Variants in SHISA9 observed in about 807,000 individuals in gnomAD.
The protein encoded by SHISA9 is protein shisa-9.
SHISA9 carries 13 observed loss-of-function variants against 38.0 expected under a neutral mutation model. The observed-to-expected ratio is 0.34, with a 90% CI of 0.22 to 0.54. The LOEUF is 0.54. Ranked by LOEUF, SHISA9 falls within the 20% of genes least tolerant of loss-of-function variation. SHISA9 has a pLI of 0.91. For missense variants in SHISA9, 538 were observed against 575.8 expected (o/e 0.93, Z 0.67); for synonymous variants, 275 against 242.0 (o/e 1.14, Z -1.27).
At chr16:13,104,539 A>T (rs998531099) in intron 2 of SHISA9, among the ~76,000 whole-genome samples, 1 of 152,238 alleles carries the variant, frequency 6.6e-6, no homozygotes, top group Non-Finnish European at 1.5e-5. Flanking sequence ...TGAAATACTG[A>T]TATCTGCTAC....
intron 2 of SHISA9, among the ~76,000 whole-genome samples, chr16:13,075,577 C>G (rs2073571583): frequency 6.6e-6 from 1 of 152,186 alleles, no homozygotes; most frequent in Non-Finnish European, 1.5e-5. Context: ...AAAACTCAAC[C>G]TAAGGCTTTC....
the SHISA9 span, among the ~76,000 whole-genome samples, chr16:13,419,489 A>G: frequency 0.72 from 109,208 of 152,134 alleles, 39,380 homozygotes; most frequent in East Asian, 0.81. Flanking sequence ...TTTCCTAAGC[A>G]TTTTTAGTTT....
the SHISA9 span, among the ~76,000 whole-genome samples, chr16:13,326,013 C>G: frequency 4.0e-4 from 60 of 149,554 alleles, no homozygotes; most frequent in African/African-American, 1.3e-3. Context: ...AACATGTATA[C>G]CTATGTAACA....
chr16:13,522,126 C>T, the SHISA9 span, among the ~76,000 whole-genome samples: 10 of 152,320 alleles, frequency 6.6e-5, no homozygotes, highest in South Asian at 1.9e-3. Context: ...AACTGCTTTC[C>T]TGTAATCCCA....
chr16:12,935,830 C>CAGAACA (rs1235131078), intron 2 of SHISA9, among the ~76,000 whole-genome samples: 1 of 127,344 alleles, frequency 7.9e-6, no homozygotes, highest in Non-Finnish European at 1.6e-5. Flanking sequence ...GCCTGGGAAA[C>CAGAACA]AGAACAAGAG....
chr16:13,561,053 G>A, the SHISA9 span, among the ~76,000 whole-genome samples: 1 of 152,066 alleles, frequency 6.6e-6, no homozygotes, highest in Non-Finnish European at 1.5e-5. Flanking sequence ...TGGTAGAGAT[G>A]GGTTTTCACC....
At chr16:13,437,958 T>C in the SHISA9 span, among the ~76,000 whole-genome samples, 1 of 151,036 alleles carries the variant, frequency 6.6e-6, no homozygotes, top group Non-Finnish European at 1.5e-5. Context: ...CTCTGCTTCC[T>C]GGGTTAAAGC....
At chr16:12,936,552 A>G (rs2071535987) in intron 2 of SHISA9, among the ~76,000 whole-genome samples, 1 of 152,258 alleles carries the variant, frequency 6.6e-6, no homozygotes, top group Non-Finnish European at 1.5e-5. Flanking sequence ...GCATATGCTC[A>G]AAGTGAGATG....
chr16:13,529,931 C>A, the SHISA9 span, among the ~76,000 whole-genome samples: 1 of 152,232 alleles, frequency 6.6e-6, no homozygotes. Flanking sequence ...TGTGACATAA[C>A]TGCAGCCAAT....
At chr16:13,468,760 T>G in the SHISA9 span, among the ~76,000 whole-genome samples, 1 of 152,052 alleles carries the variant, frequency 6.6e-6, no homozygotes, top group African/African-American at 2.4e-5. Context: ...GAGGATTGCT[T>G]GAGATCAGGA....
chr16:13,278,758 G>A, the SHISA9 span, among the ~76,000 whole-genome samples: 1 of 151,874 alleles, frequency 6.6e-6, no homozygotes, highest in Non-Finnish European at 1.5e-5. Flanking sequence ...TGTCAGTTGT[G>A]ATATCTCCTG....
intron 2 of SHISA9, among the ~76,000 whole-genome samples, chr16:13,116,020 A>C (rs2074027865): frequency 6.6e-6 from 1 of 152,106 alleles, no homozygotes; most frequent in Admixed American, 6.6e-5. Context: ...ACAGATTTTA[A>C]TTCTTCATTC....
At chr16:13,463,745 TA>T in the SHISA9 span, among the ~76,000 whole-genome samples, 1 of 152,172 alleles carries the variant, frequency 6.6e-6, no homozygotes, top group Admixed American at 6.5e-5. Context: ...GCTCAGGAAA[TA>T]TCGAGCAAAT....
At chr16:13,128,446 C>T (rs755078220) in intron 2 of SHISA9, among the ~76,000 whole-genome samples, 8 of 151,980 alleles carry the variant, frequency 5.3e-5, no homozygotes, top group Admixed American at 2.0e-4. Flanking sequence ...TCCATTGGCT[C>T]GGTGGCCTTG....
intron 2 of SHISA9, among the ~76,000 whole-genome samples, chr16:13,046,426 G>A (rs1173447319): frequency 1.3e-5 from 2 of 149,480 alleles, no homozygotes; most frequent in South Asian, 4.2e-4. Context: ...CCTGCCCTGG[G>A]GAAAGCCAGG....
At chr16:13,062,375 C>T (rs1321455969) in intron 2 of SHISA9, among the ~76,000 whole-genome samples, 2 of 152,124 alleles carry the variant, frequency 1.3e-5, no homozygotes, top group Non-Finnish European at 2.9e-5. Flanking sequence ...CTGCAGTTTT[C>T]GCAGAGTAGA....
intron 2 of SHISA9, among the ~76,000 whole-genome samples, chr16:13,040,776 C>G (rs1018099055): frequency 6.6e-6 from 1 of 152,174 alleles, no homozygotes; most frequent in Non-Finnish European, 1.5e-5. Context: ...TCTGAGGGCC[C>G]TTAGGTGTAG....
the SHISA9 span, among the ~76,000 whole-genome samples, chr16:13,245,674 C>T: frequency 6.6e-6 from 1 of 152,196 alleles, no homozygotes; most frequent in South Asian, 2.1e-4. Context: ...AAGTCAGTGG[C>T]AGAGCTGATT....
At chr16:13,524,540 G>A in the SHISA9 span, among the ~76,000 whole-genome samples, 1 of 152,054 alleles carries the variant, frequency 6.6e-6, no homozygotes, top group Admixed American at 6.6e-5. Flanking sequence ...CTCAACCTCA[G>A]GACAATTGAC....
Sources: gnomAD v4.1 joint callset for allele counts (sites outside exome capture counted in the v4.1 genomes callset) on GRCh38, gnomAD v4.1.1 for gene constraint, MANE v1.5 for transcripts, NCBI Gene and HGNC (gene_info 2026-07-23, HGNC 2026-07-21) for gene names.